GEMIN8: variants seen among roughly 807,000 people sequenced by gnomAD.
The protein encoded by GEMIN8 is gem-associated protein 8.
For missense variants in GEMIN8, 185 were observed against 205.9 expected, an observed-to-expected ratio of 0.90 and a Z score of 0.62; for synonymous variants, 80 against 78.5, an observed-to-expected ratio of 1.02 and a Z score of -0.10.
chrX:14,014,203 T>C (rs1323409725), intron 4 of GEMIN8: 3 of 749,692 alleles, frequency 4.0e-6, no homozygotes, highest in Non-Finnish European at 4.7e-6. Context: ...CTAGTACATC[T>C]TTCTGATTAT....
Position 14,020,460 on chromosome X carries a change from T to C in GEMIN8, c.90A>G (p.Gln30=). 2 of 1,207,599 alleles carry C rather than the reference T, an allele frequency of 1.7e-6. No homozygotes were observed. Among genetic ancestry groups the C allele is most frequent in the Non-Finnish European group, 2.2e-6 (2 of 891,532 alleles). ...VYARYWQHYH[Q]AMAWMQSHHN... is the part of the protein sequence containing the mutation. ...GATGGCTTTGCATCCAAGCCATTGC[T>C]TGATGATAATGTTGCCAGTATCTTG... Residue 30 remains glutamine, a synonymous_variant, in exon 4 of 5, where the codon CAA becomes CAG. Transcript: ENST00000680255.
At chrX:14,006,058 T>TC (rs371189108), downstream of GEMIN8, among the ~76,000 whole-genome samples, 1 of 101,787 alleles carries the variant, frequency 9.8e-6, no homozygotes, top group Admixed American at 1.0e-4. Context: ...TTTTTTTTTT[T>TC]CACTCTGTCA....
rs780065505 is a variant in GEMIN8, at chrX:14,008,252, C to T, written c.*661G>A. ...TCGGCCTCCCAAAGTGCTGGGATTA[C>T]AGGCATGAACCATTGCGCCCGGCCG... On this transcript the variant is annotated 3_prime_UTR_variant, in exon 5 of 5. Coordinates refer to ENST00000680255, the MANE Select transcript of GEMIN8 (RefSeq NM_001042479.2). The T allele has an allele frequency of 8.9e-6, 1 of 112,195 alleles. No individual in the cohort carries two copies. The highest frequency in any genetic ancestry group is 3.2e-5 in the African/African-American group (1 of 30,823). The allele number at this position is 112,195 out of a possible 1,213,427, so 9.2% of individuals were successfully genotyped here. A position where few individuals can be genotyped will look rare whatever the true frequency, so the allele number is the denominator to read the frequency against.
the GEMIN8 span, among the ~76,000 whole-genome samples, chrX:14,000,775 C>T: frequency 1.8e-5 from 2 of 111,382 alleles, no homozygotes; most frequent in Admixed American, 9.6e-5. Context: ...TTATGTTATA[C>T]TTTGGGTTAC....
At chrX:14,016,436 C>A (rs1021156375) in intron 4 of GEMIN8, among the ~76,000 whole-genome samples, 1 of 111,620 alleles carries the variant, frequency 9.0e-6, no homozygotes, top group Non-Finnish European at 1.9e-5. Context: ...TTGATAGACA[C>A]CAAAACTTTC....
At chrX:13,985,900 C>T in the GEMIN8 span, among the ~76,000 whole-genome samples, 3 of 111,178 alleles carry the variant, frequency 2.7e-5, no homozygotes, top group African/African-American at 9.8e-5. Context: ...GGAAGGAAGC[C>T]ATATATGAGT....
chrX:14,019,282 C>T (rs1924142967), intron 4 of GEMIN8, among the ~76,000 whole-genome samples: 2 of 112,246 alleles, frequency 1.8e-5, no homozygotes, highest in South Asian at 7.3e-4. Flanking sequence ...GTTAGAGGTA[C>T]TTAGAAATGG....
chrX:14,019,776 A>G (rs989647974), intron 4 of GEMIN8, among the ~76,000 whole-genome samples: 3 of 101,069 alleles, frequency 3.0e-5, no homozygotes, highest in Non-Finnish European at 4.1e-5. Flanking sequence ...CAGAGCACGC[A>G]CACACACAAG....
At chrX:14,029,528 T>C (rs1213017625) in intron 1 of GEMIN8, 1 of 111,905 alleles carries the variant, frequency 8.9e-6, no homozygotes, top group African/African-American at 3.3e-5. Flanking sequence ...TCTTAAAGAG[T>C]CGTCCAGTGA....
Position 14,020,464 on chromosome X carries a change from T to C in GEMIN8, c.86A>G (p.His29Arg). Reference sequence around the variant, plus strand: ...GCTTTGCATCCAAGCCATTGCTTGATGATAATGTTGCCAGTATCTTGCATA... The same window carrying C: ...GCTTTGCATCCAAGCCATTGCTTGACGATAATGTTGCCAGTATCTTGCATA... ...PVYARYWQHY[H>R]QAMAWMQSHH... is the part of the protein sequence containing the mutation. Residue 29 changes from histidine to arginine, a missense_variant, in exon 4 of 5, where the codon CAT (histidine) becomes CGT (arginine). His to Arg is a conservative substitution (Grantham distance 29). Coordinates refer to ENST00000680255, the MANE Select transcript of GEMIN8 (RefSeq NM_001042479.2). The C allele has an allele frequency of 8.3e-7, 1 of 1,207,187 alleles. No individual in the cohort carries two copies. Among genetic ancestry groups the C allele is most frequent in the East Asian group, 3.0e-5 (1 of 33,859 alleles).
rs201469228 is a variant in GEMIN8, at chrX:14,021,444, T to A, written c.15+20A>T. 1.3e-5 allele frequency: 13 copies of A among 976,550 alleles called. No individual in the cohort carries two copies. The East Asian group carries it at 1.6e-4, about 12-fold the overall frequency. 80.5% of individuals were successfully genotyped at this position (976,550 alleles called of 1,213,427 possible). On this transcript the variant is annotated intron_variant, in intron 3 of 4. Coordinates refer to ENST00000680255, the MANE Select transcript of GEMIN8 (RefSeq NM_001042479.2). ...TTTACTTACGAGCTCAAAAAAAAAA[T>A]AAAAAAATAAAAATCTTACCTTTAC...
chrX:14,026,539 T>C (rs1924706683), intron 1 of GEMIN8: 1 of 166,874 alleles, frequency 6.0e-6, no homozygotes, highest in African/African-American at 3.1e-5. Flanking sequence ...GGATCTATTT[T>C]TAATGCATAA....
chrX:13,991,806 A>C, the GEMIN8 span, among the ~76,000 whole-genome samples: 2 of 112,378 alleles, frequency 1.8e-5, no homozygotes, highest in African/African-American at 6.5e-5. Context: ...GCAGCCTTTC[A>C]GCAAGAGGTG....
chrX:14,019,929 A>G (rs751965646), intron 4 of GEMIN8, 149 bp downstream of exon 4: 1 of 395,409 alleles, frequency 2.5e-6, no homozygotes, highest in Admixed American at 4.7e-5. Context: ...AAGGTACAGC[A>G]TCCCCATAGC....
At chrX:14,016,571 C>T (rs377093053) in intron 4 of GEMIN8, among the ~76,000 whole-genome samples, 5 of 109,527 alleles carry the variant, frequency 4.6e-5, no homozygotes, top group Non-Finnish European at 7.6e-5. Flanking sequence ...CTTAGCTGGG[C>T]GCGGTAGCTC....
At position 14,006,924 on chromosome X, in the gene GEMIN8, T is replaced by C. The variant is rs1923194792; in HGVS notation, c.*1989A>G. On this transcript the variant is annotated 3_prime_UTR_variant, in exon 5 of 5. Transcript: ENST00000680255. ...GGTGAGACCGGCATGGTGATTTCTT[T>C]AGGGGAGGGTATAAGAGTCCTTTGC... Among the ~76,000 whole-genome samples, 1 of 111,638 alleles carries C rather than the reference T, an allele frequency of 9.0e-6. No individual in the cohort carries two copies. The highest frequency in any genetic ancestry group is 1.9e-5 in the Non-Finnish European group (1 of 53,115).
chrX:13,986,469 C>A, the GEMIN8 span, among the ~76,000 whole-genome samples: 1 of 112,484 alleles, frequency 8.9e-6, no homozygotes, highest in African/African-American at 3.2e-5. Flanking sequence ...TCTTCAATGA[C>A]CCACACTCTT....
chrX:14,028,475 G>A (rs186561056), intron 1 of GEMIN8, among the ~76,000 whole-genome samples: 176 of 111,268 alleles, frequency 1.6e-3, no homozygotes, highest in African/African-American at 5.2e-3. Context: ...TTTTTCACTT[G>A]TCCAGCTGTT....
At chrX:14,002,188 C>T (rs750848790), downstream of GEMIN8, among the ~76,000 whole-genome samples, 13 of 105,321 alleles carry the variant, frequency 1.2e-4, no homozygotes, top group Non-Finnish European at 2.5e-4. Flanking sequence ...TGGCTGATGA[C>T]ATCTTCAGTG....
Sources: allele counts gnomAD v4.1 joint callset (sites outside exome capture counted in the v4.1 genomes callset), GRCh38; gene constraint gnomAD v4.1.1; transcripts MANE v1.5; gene names NCBI Gene and HGNC (gene_info 2026-07-23, HGNC 2026-07-21).